Variants in TCF4 observed in about 807,000 individuals in gnomAD.
TCF4 encodes transcription factor 4, also known as SL3-3 enhancer factor 2.
In TCF4, 3 loss-of-function variants were observed where a neutral mutation model predicts 82.1. The ratio of observed to expected loss-of-function variants is 0.04; its 90% CI spans 0.02 to 0.09. The LOEUF (loss-of-function observed/expected upper bound fraction) is 0.09, where lower values mean the gene tolerates loss of function less well. Among genes scored for constraint, TCF4 ranks in the 10% least tolerant of loss-of-function variants. TCF4 has a pLI of 1.00. For synonymous variants in TCF4, 276 were observed against 309.6 expected (o/e 0.89, Z 1.14); for missense variants, 518 against 852.7 (o/e 0.61, Z 4.89).
chr18:55,353,987 C>A (rs2082880118), intron 6 of TCF4, among the ~76,000 whole-genome samples: 1 of 152,146 alleles, frequency 6.6e-6, no homozygotes, highest in Non-Finnish European at 1.5e-5. Flanking sequence ...TGCGGTTATG[C>A]TGGGTCCCAG....
intron 8 of TCF4, among the ~76,000 whole-genome samples, chr18:55,349,025 T>C (rs1347447019): frequency 6.6e-6 from 1 of 152,164 alleles, no homozygotes; most frequent in Non-Finnish European, 1.5e-5. Flanking sequence ...TAAAATATGC[T>C]TATAAAATCC....
chr18:55,270,359 T>G (rs957826769), intron 10 of TCF4, among the ~76,000 whole-genome samples: 1 of 152,154 alleles, frequency 6.6e-6, no homozygotes, highest in East Asian at 1.9e-4. Context: ...AACAACATTA[T>G]GATCCACAGG....
chr18:55,529,254 T>A (rs1319756917), intron 3 of TCF4, among the ~76,000 whole-genome samples: 1 of 152,190 alleles, frequency 6.6e-6, no homozygotes, highest in African/African-American at 2.4e-5. Context: ...AATATCTTAT[T>A]CTTTAGATAT....
At chr18:55,495,600 G>A (rs1239034430) in intron 3 of TCF4, 1 of 152,042 alleles carries the variant, frequency 6.6e-6, no homozygotes, top group Non-Finnish European at 1.5e-5. Flanking sequence ...ATACTTTTAA[G>A]GACCAATGTT....
chr18:55,593,651 T>C (rs970688625), intron 2 of TCF4, among the ~76,000 whole-genome samples: 2 of 152,110 alleles, frequency 1.3e-5, no homozygotes, highest in African/African-American at 2.4e-5. Flanking sequence ...TCAAATTCCA[T>C]CCAGTTTGTT....
intron 3 of TCF4, among the ~76,000 whole-genome samples, chr18:55,476,969 C>T (rs980537754): frequency 6.6e-6 from 1 of 152,154 alleles, no homozygotes; most frequent in African/African-American, 2.4e-5. Context: ...CATACACACA[C>T]ACACGATACA....
intron 8 of TCF4, among the ~76,000 whole-genome samples, chr18:55,348,656 T>G (rs778540180): frequency 1.3e-5 from 2 of 152,162 alleles, no homozygotes; most frequent in Non-Finnish European, 2.9e-5. Flanking sequence ...TACAACGAAT[T>G]ATGAAAATTG....
intron 15 of TCF4, among the ~76,000 whole-genome samples, chr18:55,250,610 T>C (rs760651708): frequency 3.3e-5 from 5 of 152,176 alleles, no homozygotes; most frequent in Non-Finnish European, 5.9e-5. Context: ...ACCACTATTA[T>C]CATCCTCACT....
rs372736512 is a variant in TCF4, at chr18:55,572,907, G to A, written c.145+12373C>T. ...TGTCTCTACTAAAAATACAAAATTA[G>A]CCAGGTGTGGTGGCACATGCTTGTA... On this transcript the variant is annotated intron_variant, in intron 3 of 19. Transcript: ENST00000354452. 3.9e-5 allele frequency among the ~76,000 whole-genome samples: 6 copies of A among 152,172 alleles called. No homozygotes were observed. In the East Asian group the frequency reaches 7.7e-4, roughly 20 times the overall value.
chr18:55,418,105 A>G (rs897885432), intron 5 of TCF4, among the ~76,000 whole-genome samples: 1 of 151,898 alleles, frequency 6.6e-6, no homozygotes, highest in Non-Finnish European at 1.5e-5. Flanking sequence ...AAGTATTCAC[A>G]CTGGTTTGCA....
At chr18:55,493,689 T>C (rs1437772145) in intron 3 of TCF4, among the ~76,000 whole-genome samples, 1 of 152,184 alleles carries the variant, frequency 6.6e-6, no homozygotes, top group Non-Finnish European at 1.5e-5. Context: ...TTACTTAAGT[T>C]TGTGTAAATT....
chr18:55,622,225 G>A (rs2097721980), intron 2 of TCF4, among the ~76,000 whole-genome samples: 1 of 150,294 alleles, frequency 6.7e-6, no homozygotes, highest in Non-Finnish European at 1.5e-5. Flanking sequence ...AAGAGTAACT[G>A]TGGCCGGGAG....
At chr18:55,254,435 A>C (rs942692136) in intron 15 of TCF4, 62 bp downstream of exon 15, 41 of 1,501,096 alleles carry the variant, frequency 2.7e-5, no homozygotes, top group Non-Finnish European at 3.6e-5. Flanking sequence ...CAACAATAGT[A>C]TCTATATCTG....
chr18:55,505,778 T>C (rs1313290224), intron 3 of TCF4, among the ~76,000 whole-genome samples: 2 of 125,642 alleles, frequency 1.6e-5, no homozygotes, highest in Admixed American at 9.8e-5. Flanking sequence ...CACTCCAGCC[T>C]GGGCCACAGA....
intron 5 of TCF4, among the ~76,000 whole-genome samples, chr18:55,456,413 G>A (rs1277601363): frequency 6.6e-6 from 1 of 152,154 alleles, no homozygotes; most frequent in Non-Finnish European, 1.5e-5. Flanking sequence ...TTCAAAATGG[G>A]CCATGTGAAA....
chr18:55,445,695 C>G (rs576923085), intron 5 of TCF4, among the ~76,000 whole-genome samples: 1 of 152,306 alleles, frequency 6.6e-6, no homozygotes, highest in South Asian at 2.1e-4. Flanking sequence ...CTCTGTGGTA[C>G]TACATCTCAT....
chr18:55,611,147 CT>C (rs1438364214), intron 2 of TCF4, among the ~76,000 whole-genome samples: 2 of 152,136 alleles, frequency 1.3e-5, no homozygotes, highest in Non-Finnish European at 2.9e-5. Flanking sequence ...CCAAATCTTG[CT>C]TTGGTAATAG....
chr18:55,332,507 TAA>T (rs1371158417), intron 8 of TCF4, among the ~76,000 whole-genome samples: 2 of 152,200 alleles, frequency 1.3e-5, no homozygotes, highest in Admixed American at 1.3e-4. Context: ...ACTGTATTTT[TAA>T]GAGTCATATA....
intron 6 of TCF4, among the ~76,000 whole-genome samples, chr18:55,352,604 T>C (rs2082544536): frequency 6.6e-6 from 1 of 152,166 alleles, no homozygotes; most frequent in South Asian, 2.1e-4. Context: ...TAAAACCAGA[T>C]TTATCAGATA....
Sources: gnomAD v4.1 joint callset for allele counts (sites outside exome capture counted in the v4.1 genomes callset) on GRCh38, gnomAD v4.1.1 for gene constraint, MANE v1.5 for transcripts, NCBI Gene and HGNC (gene_info 2026-07-23, HGNC 2026-07-21) for gene names.